Variants in CNTN5 observed in about 807,000 individuals in gnomAD.
The protein encoded by CNTN5 is contactin 5.
Under a neutral mutation model 129.1 loss-of-function variants are expected in CNTN5, and 77 were observed. The observed-to-expected ratio is 0.60, with a 90% CI of 0.50 to 0.72. The LOEUF (loss-of-function observed/expected upper bound fraction) is 0.72. CNTN5 is among the 30% of genes least tolerant of loss of function. CNTN5 has a pLI of 0.00. For missense variants in CNTN5, 1,478 were observed against 1,328.8 expected, an observed-to-expected ratio of 1.11 and a Z score of -1.75; for synonymous variants, 509 against 465.6, an observed-to-expected ratio of 1.09 and a Z score of -1.20.
At chr11:99,864,407 C>A (rs139152136) in intron 6 of CNTN5, among the ~76,000 whole-genome samples, 2 of 152,152 alleles carry the variant, frequency 1.3e-5, no homozygotes, top group Admixed American at 1.3e-4. Context: ...GTTTTTGGCA[C>A]GTAATATTCT....
At chr11:100,031,632 C>T (rs1043671268) in intron 9 of CNTN5, among the ~76,000 whole-genome samples, 3 of 152,110 alleles carry the variant, frequency 2.0e-5, no homozygotes, top group Non-Finnish European at 4.4e-5. Context: ...TTTTTTGTAA[C>T]CAGCTTTTGC....
At chr11:99,646,043 C>T (rs146893432) in intron 3 of CNTN5, among the ~76,000 whole-genome samples, 1 of 152,286 alleles carries the variant, frequency 6.6e-6, no homozygotes, top group East Asian at 1.9e-4. Flanking sequence ...CTGAACAAGT[C>T]CAAGTCACTA....
chr11:99,136,411 T>C (rs1859221458), intron 1 of CNTN5, among the ~76,000 whole-genome samples: 1 of 152,158 alleles, frequency 6.6e-6, no homozygotes, highest in South Asian at 2.1e-4. Flanking sequence ...CCTAATTATT[T>C]TTTGTCCCTT....
At chr11:99,369,911 G>A (rs1225624515) in intron 2 of CNTN5, among the ~76,000 whole-genome samples, 7 of 152,054 alleles carry the variant, frequency 4.6e-5, no homozygotes, top group Admixed American at 2.6e-4. Flanking sequence ...AGTGAGCTAT[G>A]CAATGAAGAA....
chr11:99,040,746 A>G (rs1309810824), intron 1 of CNTN5, among the ~76,000 whole-genome samples: 1 of 152,148 alleles, frequency 6.6e-6, no homozygotes, highest in Non-Finnish European at 1.5e-5. Flanking sequence ...TATTCAAGGA[A>G]CAAAATCTTG....
intron 2 of CNTN5, among the ~76,000 whole-genome samples, chr11:99,371,737 A>C (rs188289125): frequency 6.6e-6 from 1 of 152,302 alleles, no homozygotes; most frequent in Admixed American, 6.5e-5. Flanking sequence ...AGCTATTTTT[A>C]ACTTTCTTTC....
At chr11:99,754,871 T>C (rs193062799) in intron 3 of CNTN5, among the ~76,000 whole-genome samples, 79 of 152,332 alleles carry the variant, frequency 5.2e-4, no homozygotes, top group Non-Finnish European at 9.9e-4. Flanking sequence ...TATAGTATCA[T>C]GCAGAGTAGT....
At chr11:99,079,055 C>A (rs1445474017) in intron 1 of CNTN5, among the ~76,000 whole-genome samples, 1 of 151,962 alleles carries the variant, frequency 6.6e-6, no homozygotes, top group Admixed American at 6.6e-5. Context: ...ATTGAATATA[C>A]CCTTTAAATA....
intron 2 of CNTN5, among the ~76,000 whole-genome samples, chr11:99,519,142 TTTG>T (rs1947173627): frequency 2.0e-5 from 3 of 152,168 alleles, no homozygotes; most frequent in African/African-American, 7.2e-5. Flanking sequence ...TTTCTTATCC[TTTG>T]TACTTAGACT....
chr11:99,466,258 C>G (rs2726388), intron 2 of CNTN5, among the ~76,000 whole-genome samples: 1 of 152,034 alleles, frequency 6.6e-6, no homozygotes, highest in Non-Finnish European at 1.5e-5. Flanking sequence ...AATCTTTCCT[C>G]ATGACCCAAT....
intron 1 of CNTN5, among the ~76,000 whole-genome samples, chr11:99,071,742 G>A (rs972141017): frequency 2.0e-5 from 3 of 152,008 alleles, no homozygotes; most frequent in African/African-American, 7.2e-5. Flanking sequence ...CAACTTTTCA[G>A]TATGTTAAGT....
chr11:99,277,439 C>T (rs1057068931), intron 1 of CNTN5, among the ~76,000 whole-genome samples: 6 of 151,800 alleles, frequency 4.0e-5, no homozygotes, highest in African/African-American at 4.8e-5. Flanking sequence ...CTCACTGAAC[C>T]TGAAATGGCC....
chr11:100,066,982 A>G (rs1012875699), intron 10 of CNTN5, among the ~76,000 whole-genome samples: 1 of 152,038 alleles, frequency 6.6e-6, no homozygotes, highest in Non-Finnish European at 1.5e-5. Flanking sequence ...GCCTTAATTC[A>G]GTTTTTAATG....
At chr11:99,464,546 G>A (rs925245706) in intron 2 of CNTN5, among the ~76,000 whole-genome samples, 1 of 152,112 alleles carries the variant, frequency 6.6e-6, no homozygotes, top group African/African-American at 2.4e-5. Context: ...TGACTTCTTG[G>A]TCCCTTGAAA....
chr11:100,136,770 G>A (rs1946537484), intron 13 of CNTN5, among the ~76,000 whole-genome samples: 1 of 125,260 alleles, frequency 8.0e-6, no homozygotes, highest in Admixed American at 8.3e-5. Context: ...ATAAATATGG[G>A]CCTGGTTTCC....
intron 13 of CNTN5, among the ~76,000 whole-genome samples, chr11:100,096,896 C>G (rs11222748): frequency 0.057 from 8,687 of 152,064 alleles, 840 homozygotes; most frequent in African/African-American, 0.2. Context: ...ATGGAAAAAG[C>G]TTTTTTAGCT....
At chr11:99,507,058 G>A (rs961795306) in intron 2 of CNTN5, among the ~76,000 whole-genome samples, 2 of 151,942 alleles carry the variant, frequency 1.3e-5, no homozygotes, top group African/African-American at 4.8e-5. Flanking sequence ...AAAGTGTATT[G>A]TACCTATGAC....
chr11:99,615,475 C>T (rs1438135490), intron 3 of CNTN5, among the ~76,000 whole-genome samples: 1 of 152,018 alleles, frequency 6.6e-6, no homozygotes, highest in Non-Finnish European at 1.5e-5. Context: ...ATTTTCCTAC[C>T]TATATTTGGA....
At chr11:100,330,188 G>A (rs1951875983) in intron 21 of CNTN5, among the ~76,000 whole-genome samples, 1 of 152,098 alleles carries the variant, frequency 6.6e-6, no homozygotes, top group Non-Finnish European at 1.5e-5. Flanking sequence ...AAAATGCACT[G>A]GAAAATCTCA....
Sources: gnomAD v4.1 joint callset for allele counts (sites outside exome capture counted in the v4.1 genomes callset) on GRCh38, gnomAD v4.1.1 for gene constraint, MANE v1.5 for transcripts, NCBI Gene and HGNC (gene_info 2026-07-23, HGNC 2026-07-21) for gene names.